The following MBOAT2 variants were observed in gnomAD, a reference collection of about 807,000 sequenced individuals.
MBOAT2 encodes the protein membrane bound glycerophospholipid O-acyltransferase 2, also known as membrane-bound glycerophospholipid O-acyltransferase 2.
A neutral mutation model predicts 63.4 loss-of-function variants in MBOAT2; 28 were observed. That is an observed-to-expected ratio of 0.44 (90% CI 0.33 to 0.61). The LOEUF is 0.61. MBOAT2 is among the 20% of genes least tolerant of loss of function. MBOAT2 has a pLI of 0.03. For synonymous variants in MBOAT2, 211 were observed against 215.6 expected (o/e 0.98, Z 0.19); for missense variants, 470 against 605.8 (o/e 0.78, Z 2.35).
At chr2:8,994,964 G>C (rs181907315) in intron 1 of MBOAT2, among the ~76,000 whole-genome samples, 3 of 152,346 alleles carry the variant, frequency 2.0e-5, no homozygotes, top group Admixed American at 2.0e-4. Context: ...CAGAAAGCCA[G>C]GATTTAAATT....
intron 7 of MBOAT2, 69 bp from the exon 8 acceptor site, chr2:8,873,369 G>C: frequency 6.9e-7 from 1 of 1,444,222 alleles, no homozygotes; most frequent in African/African-American, 1.4e-5. Context: ...ATGTATTATC[G>C]ACAGATTAAT....
intron 2 of MBOAT2, among the ~76,000 whole-genome samples, chr2:8,957,787 G>A (rs1669331629): frequency 6.6e-6 from 1 of 152,208 alleles, no homozygotes; most frequent in Non-Finnish European, 1.5e-5. Context: ...AGACCACAAA[G>A]AGACTGCCGC....
chr2:8,887,987 C>T (rs1047185328), intron 5 of MBOAT2, 31 bp downstream of exon 5: 29 of 1,590,890 alleles, frequency 1.8e-5, no homozygotes, highest in Non-Finnish European at 2.4e-5. Flanking sequence ...TAAATTTTTT[C>T]AGCAATAAAA....
At chr2:8,884,060 T>TAA (rs758119072) in intron 5 of MBOAT2, among the ~76,000 whole-genome samples, 15 of 104,316 alleles carry the variant, frequency 1.4e-4, no homozygotes, top group Admixed American at 2.0e-4. Context: ...TTGTCTTTAC[T>TAA]AAAAAAAAAA....
chr2:8,927,501 A>G (rs1209797213), intron 3 of MBOAT2, among the ~76,000 whole-genome samples: 1 of 152,222 alleles, frequency 6.6e-6, no homozygotes, highest in African/African-American at 2.4e-5. Flanking sequence ...GTAAGAAATC[A>G]TAACTGCAGT....
At chr2:8,894,881 G>T (rs1482619666) in intron 4 of MBOAT2, among the ~76,000 whole-genome samples, 3 of 151,594 alleles carry the variant, frequency 2.0e-5, no homozygotes, top group African/African-American at 7.3e-5. Flanking sequence ...GGAGTTGTTC[G>T]TTCCTCCCAG....
chr2:8,912,283 C>T (rs1449291325), intron 3 of MBOAT2, among the ~76,000 whole-genome samples: 4 of 88,100 alleles, frequency 4.5e-5, no homozygotes, highest in South Asian at 8.2e-4. Flanking sequence ...GACAGAAAGA[C>T]AGAAGGAAAA....
At chr2:8,890,291 A>AAC (rs148077830) in intron 4 of MBOAT2, among the ~76,000 whole-genome samples, 19 of 152,006 alleles carry the variant, frequency 1.2e-4, no homozygotes, top group Admixed American at 5.2e-4. Context: ...TGCCCACAAA[A>AAC]ACACACACAC....
At chr2:8,917,887 G>A (rs1666300860) in intron 3 of MBOAT2, among the ~76,000 whole-genome samples, 2 of 152,134 alleles carry the variant, frequency 1.3e-5, no homozygotes, top group African/African-American at 4.8e-5. Flanking sequence ...TAATACAATG[G>A]AATAAAAAGG....
chr2:8,966,004 A>T (rs1020852102), intron 1 of MBOAT2, among the ~76,000 whole-genome samples: 6 of 152,232 alleles, frequency 3.9e-5, no homozygotes, highest in Non-Finnish European at 5.9e-5. Flanking sequence ...TGGAATACAA[A>T]ATATGTTCTA....
chr2:8,860,954 C>T, intron 11 of MBOAT2, 190 bp from the exon 12 acceptor site: 1 of 455,138 alleles, frequency 2.2e-6, no homozygotes, highest in Non-Finnish European at 3.9e-6. Context: ...ATTGTACACA[C>T]TGTGTATAAA....
intron 4 of MBOAT2, among the ~76,000 whole-genome samples, chr2:8,907,311 C>T (rs1035627599): frequency 6.6e-6 from 1 of 152,188 alleles, no homozygotes; most frequent in Non-Finnish European, 1.5e-5. Context: ...TTATTCCCGA[C>T]TCAATATATA....
Position 8,862,531 on chromosome 2 carries a change from A to G in MBOAT2, c.1185+59T>C. On this transcript the variant is annotated intron_variant, in intron 11 of 12. Transcript: ENST00000305997. This position sits in a 1 kb window ranked among gnomAD's most constrained non-coding sequence, Gnocchi z 4.3. The stretch of plus-strand genomic sequence containing the variant: ...TCTACCTTGTAAGAGAGATGTACTC[A>G]GCCTTTTTAACAGTTCAAGTGGACC... The G allele has an allele frequency of 6.4e-7, 1 of 1,559,552 alleles. No homozygotes were observed. The highest frequency in any genetic ancestry group is 8.7e-7 in the Non-Finnish European group (1 of 1,149,734).
chr2:8,908,189 C>T (rs977653270), intron 4 of MBOAT2: 4 of 152,934 alleles, frequency 2.6e-5, no homozygotes, highest in African/African-American at 9.7e-5. Flanking sequence ...AGTTTTGTTA[C>T]AGGACAAAAA....
At chr2:8,918,810 G>C (rs1422243736) in intron 3 of MBOAT2, among the ~76,000 whole-genome samples, 8 of 152,138 alleles carry the variant, frequency 5.3e-5, no homozygotes, top group Non-Finnish European at 1.2e-4. Flanking sequence ...TTTACTTATT[G>C]TAAGTGTATA....
intron 3 of MBOAT2, among the ~76,000 whole-genome samples, chr2:8,932,840 T>G (rs1329223309): frequency 6.6e-6 from 1 of 151,970 alleles, no homozygotes; most frequent in Non-Finnish European, 1.5e-5. Flanking sequence ...AGGCTCTTTC[T>G]ATTAAACCAT....
At chr2:8,873,746 T>C (rs773848650) in intron 7 of MBOAT2, among the ~76,000 whole-genome samples, 3 of 152,212 alleles carry the variant, frequency 2.0e-5, no homozygotes, top group African/African-American at 4.8e-5. Context: ...CAATAAACAA[T>C]CTATGCATCT....
chr2:8,952,407 G>T (rs1057166815), intron 2 of MBOAT2, among the ~76,000 whole-genome samples: 1 of 152,160 alleles, frequency 6.6e-6, no homozygotes, highest in Non-Finnish European at 1.5e-5. Flanking sequence ...GCTGATGGGT[G>T]GAGTATTCTG....
At chr2:8,968,432 A>C (rs1229470233) in intron 1 of MBOAT2, among the ~76,000 whole-genome samples, 1 of 152,210 alleles carries the variant, frequency 6.6e-6, no homozygotes, top group Admixed American at 6.5e-5. Context: ...ATGGGGAAAA[A>C]ACAGAGCAGA....
Sources: gnomAD v4.1 joint callset for allele counts (sites outside exome capture counted in the v4.1 genomes callset) on GRCh38, gnomAD v4.1.1 for gene constraint, Gnocchi (gnomAD v3.1) non-coding constraint, MANE v1.5 for transcripts, NCBI Gene and HGNC (gene_info 2026-07-23, HGNC 2026-07-21) for gene names.